Variants in SH3PXD2A observed in about 807,000 individuals in gnomAD.
The protein encoded by SH3PXD2A is SH3 and PX domain-containing protein 2A.
A neutral mutation model predicts 115.2 loss-of-function variants in SH3PXD2A; 32 were observed. The observed-to-expected ratio is 0.28, with a 90% CI of 0.21 to 0.37. SH3PXD2A has a LOEUF of 0.37. Among genes scored for constraint, SH3PXD2A ranks in the 10% least tolerant of loss-of-function variants. The pLI is 1.00. For missense variants in SH3PXD2A, 1,328 were observed against 1,498.7 expected, an observed-to-expected ratio of 0.89 and a Z score of 1.88; for synonymous variants, 610 against 629.1, an observed-to-expected ratio of 0.97 and a Z score of 0.45.
rs2036149764 is a variant in SH3PXD2A at position 103,597,241 on chromosome 10, G to A, written c.*4575C>T. 6.6e-6 allele frequency: 1 copy of A among 152,640 alleles called. No homozygotes were observed. Among genetic ancestry groups the A allele is most frequent in the Admixed American group, 6.5e-5 (1 of 15,280 alleles). 9.5% of individuals were successfully genotyped at this position (152,640 alleles called of 1,614,324 possible). A position where few individuals can be genotyped will look rare whatever the true frequency, so the allele number is the denominator to read the frequency against. ...CTTGTGGGAATTGGTGTCTCACCAG[G>A]GTGTGCGCGGCTCAAGGTTCTCACA... On this transcript the variant is annotated 3_prime_UTR_variant, in exon 15 of 15. Coordinates refer to ENST00000369774, the MANE Select transcript of SH3PXD2A (RefSeq NM_001394015.1).
Position 103,603,419 on chromosome 10 carries a change from C to T in SH3PXD2A, c.1799G>A (p.Arg600Gln), listed in dbSNP as rs747656273. 32 of 1,613,906 alleles carry T rather than the reference C, an allele frequency of 2.0e-5. No individual in the cohort carries two copies. Among genetic ancestry groups the T allele is most frequent in the East Asian group, 1.1e-4 (5 of 44,894 alleles). ...AGACTCACCCACCTTGAAGCGGGCCCGCTGCAGAGAAGAGGCCGGCGAGGG... is the reference window on the plus strand; with the variant it reads ...AGACTCACCCACCTTGAAGCGGGCCTGCTGCAGAGAAGAGGCCGGCGAGGG... ...HRPSPASSLQ[R>Q]ARFKVGESSE... The change falls in exon 15 of 15, where the codon CGG (arginine) becomes CAG (glutamine). Residue 600 changes from arginine to glutamine, a missense_variant. Physicochemically the swap from Arg to Gln is conservative, Grantham distance 43. This residue lies in a region of SH3PXD2A where 509 missense variants were observed against 628.3 expected (regional missense o/e 0.81). Transcript: ENST00000369774.
chr10:103,766,875 G>C (rs1003991611), intron 3 of SH3PXD2A, among the ~76,000 whole-genome samples: 1 of 152,218 alleles, frequency 6.6e-6, no homozygotes, highest in Non-Finnish European at 1.5e-5. Context: ...TACAGGCCAG[G>C]AGCCAGCAGA....
intron 1 of SH3PXD2A, among the ~76,000 whole-genome samples, chr10:103,807,123 C>G (rs1288327902): frequency 2.6e-5 from 4 of 152,214 alleles, no homozygotes; most frequent in Admixed American, 6.5e-5. Context: ...ACCAGACTTA[C>G]AGCGCAGCTC....
intron 8 of SH3PXD2A, among the ~76,000 whole-genome samples, chr10:103,660,418 T>TC (rs1328567509): frequency 6.6e-6 from 1 of 152,092 alleles, no homozygotes; most frequent in African/African-American, 2.4e-5. Flanking sequence ...CCTGGCTGCA[T>TC]CCCCCTCACT....
chr10:103,631,858 C>G (rs2036784773), intron 8 of SH3PXD2A, among the ~76,000 whole-genome samples: 1 of 152,086 alleles, frequency 6.6e-6, no homozygotes, highest in African/African-American at 2.4e-5. Flanking sequence ...TGGCTCATGC[C>G]TGTAATCCCA....
rs890843059 is a variant in SH3PXD2A at position 103,752,214 on chromosome 10, G to A, written c.229+14880C>T. Among the ~76,000 whole-genome samples, 7 of 152,192 alleles carry A rather than the reference G, an allele frequency of 4.6e-5. No individual in the cohort carries two copies. The East Asian group carries it at 1.3e-3, about 29-fold the overall frequency. ...GAACAGGGGAGTGGGAAGGGCACAA[G>A]GCTTGCCTTATACAGAGGCAGCCAC... On this transcript the variant is annotated intron_variant, in intron 3 of 14. Transcript: ENST00000369774.
At chr10:103,630,629 T>G (rs2036764524) in intron 8 of SH3PXD2A, among the ~76,000 whole-genome samples, 1 of 150,200 alleles carries the variant, frequency 6.7e-6, no homozygotes, top group African/African-American at 2.5e-5. Flanking sequence ...AGTCAAGAGA[T>G]AGAGAGCCAG....
chr10:103,772,288 T>G (rs889234520), intron 2 of SH3PXD2A, among the ~76,000 whole-genome samples: 1 of 152,156 alleles, frequency 6.6e-6, no homozygotes, highest in African/African-American at 2.4e-5. Context: ...AGGGCTAGTT[T>G]CCACAGATAA....
intron 11 of SH3PXD2A, among the ~76,000 whole-genome samples, chr10:103,614,398 C>T (rs780603039): frequency 6.6e-6 from 1 of 151,926 alleles, no homozygotes; most frequent in Non-Finnish European, 1.5e-5. Flanking sequence ...CTAAGTGGGG[C>T]TCCAAAAGCA....
intron 8 of SH3PXD2A, among the ~76,000 whole-genome samples, chr10:103,644,328 C>T: frequency 6.6e-6 from 1 of 151,834 alleles, no homozygotes; most frequent in East Asian, 1.9e-4. Flanking sequence ...ACCTGTAATC[C>T]CAGCACTTTG....
intron 1 of SH3PXD2A, among the ~76,000 whole-genome samples, chr10:103,846,842 AGC>A (rs1842852499): frequency 6.6e-6 from 1 of 152,144 alleles, no homozygotes; most frequent in South Asian, 2.1e-4. Flanking sequence ...CAGGCTTTGG[AGC>A]CAGCAGACCT....
At chr10:103,685,436 C>T (rs78272424) in intron 6 of SH3PXD2A, among the ~76,000 whole-genome samples, 1 of 151,618 alleles carries the variant, frequency 6.6e-6, no homozygotes, top group Non-Finnish European at 1.5e-5. Flanking sequence ...TGGGACAAGA[C>T]CACCTACCCT....
chr10:103,671,644 G>C (rs992474443), intron 6 of SH3PXD2A, among the ~76,000 whole-genome samples: 6 of 152,284 alleles, frequency 3.9e-5, no homozygotes, highest in African/African-American at 9.6e-5. Context: ...TCATTACAAT[G>C]AACAGAGGAG....
chr10:103,624,194 A>G lies in SH3PXD2A; in HGVS notation c.719-1641T>C, dbSNP rs144760826. 4.8e-3 allele frequency among the ~76,000 whole-genome samples: 724 copies of G among 152,308 alleles called. 4 individuals are homozygous for G. The highest frequency in any genetic ancestry group is 0.017 in the African/African-American group (695 of 41,564). The stretch of plus-strand genomic sequence containing the variant: ...GCCCCTTGGGCTGCCAAGCCCTGGG[A>G]AGAAGGGGATGTGGGGAGGGAACAG... On this transcript the variant is annotated intron_variant, in intron 9 of 14. Transcript: ENST00000369774.
At chr10:103,795,541 T>C (rs2039077437) in intron 2 of SH3PXD2A, among the ~76,000 whole-genome samples, 1 of 152,182 alleles carries the variant, frequency 6.6e-6, no homozygotes, top group Admixed American at 6.5e-5. Context: ...TAAAAGAGTC[T>C]CTCATCTCAA....
chr10:103,735,673 C>G, intron 4 of SH3PXD2A, 59 bp downstream of exon 4: 1 of 1,313,798 alleles, frequency 7.6e-7, no homozygotes, highest in South Asian at 1.2e-5. Flanking sequence ...GGCAAATGGG[C>G]CCCTCTCCTC....
In SH3PXD2A at chr10:103,666,562, G is replaced by A. The variant is rs118064794; in HGVS notation, c.472+2046C>T. 2.1e-3 allele frequency among the ~76,000 whole-genome samples: 322 copies of A among 152,312 alleles called. 2 individuals carry two copies. Among genetic ancestry groups the A allele is most frequent in the Middle Eastern group, 0.01 (3 of 292 alleles). On this transcript the variant is annotated intron_variant, in intron 7 of 14. Coordinates refer to ENST00000369774, the MANE Select transcript of SH3PXD2A (RefSeq NM_001394015.1). This position sits in a 1 kb window ranked among gnomAD's most constrained non-coding sequence, Gnocchi z 4.5. ...GACATAGTAATTACCTGAAATTCAT[G>A]ATGGAAATGCTTAGAATTAGAGTCC...
At chr10:103,838,101 C>T (rs1564901323) in intron 1 of SH3PXD2A, among the ~76,000 whole-genome samples, 1 of 152,194 alleles carries the variant, frequency 6.6e-6, no homozygotes, top group South Asian at 2.1e-4. Context: ...GCTAGGAAAT[C>T]CCCTGCTGGC....
rs541962919 is a variant in SH3PXD2A at position 103,775,720 on chromosome 10, G to A, written c.154-8551C>T. 1.7e-4 allele frequency among the ~76,000 whole-genome samples: 26 copies of A among 152,302 alleles called. No individual in the cohort carries two copies. The South Asian group carries it at 2.9e-3, about 17-fold the overall frequency. On this transcript the variant is annotated intron_variant, in intron 2 of 14. Transcript: ENST00000369774. ...TCCTGATCATTTATTCCAGCGACTT[G>A]AGGATGACCACACAGCTGGCACCAG...
Sources: gnomAD v4.1 joint callset for allele counts (sites outside exome capture counted in the v4.1 genomes callset) on GRCh38, gnomAD v4.1.1 for gene constraint, gnomAD v4.1.1 regional missense constraint, Gnocchi (gnomAD v3.1) non-coding constraint, MANE v1.5 for transcripts, NCBI Gene and HGNC (gene_info 2026-07-23, HGNC 2026-07-21) for gene names.